Variants in PDCD1LG2 observed in about 807,000 individuals in gnomAD.
The protein encoded by PDCD1LG2 is programmed cell death 1 ligand 2.
In PDCD1LG2, 32 loss-of-function variants were observed where a neutral mutation model predicts 28.2. That is an observed-to-expected ratio of 1.13 (90% confidence interval 0.86 to 1.52). PDCD1LG2 has a LOEUF of 1.52. Ranked by LOEUF, PDCD1LG2 falls within the 40% of genes most tolerant of loss-of-function variation. The pLI is 0.00. For missense variants in PDCD1LG2, 385 were observed against 323.8 expected (o/e 1.19, Z -1.45); for synonymous variants, 116 against 120.2 (o/e 0.97, Z 0.23).
In PDCD1LG2 at chr9:5,569,860, T is replaced by G; in HGVS notation, c.817-94T>G. 1 of 1,325,476 alleles carries G rather than the reference T, an allele frequency of 7.5e-7. No homozygotes were observed. The highest frequency in any genetic ancestry group is 1.1e-6 in the Non-Finnish European group (1 of 930,000). The allele number at this position is 1,325,476 out of a possible 1,614,324, so 82.1% of individuals were successfully genotyped here. On this transcript the variant is annotated intron_variant, in intron 6 of 6. Coordinates refer to ENST00000397747, the MANE Select transcript of PDCD1LG2 (RefSeq NM_025239.4). The surrounding 1 kb of genome is among the most constrained non-coding windows in gnomAD (Gnocchi z 4.1). ...CGGCTTCCAGCTAGATGAACTTTTT[T>G]AAAAAAATTAGTTCCTCACTCAAAT...
intron 4 of PDCD1LG2, 135 bp from the exon 5 acceptor site, chr9:5,557,483 T>G: frequency 9.6e-7 from 1 of 1,038,172 alleles, no homozygotes; most frequent in Non-Finnish European, 1.4e-6. Context: ...TGCAGAGCAC[T>G]TAGAATAGGG....
intron 2 of PDCD1LG2, among the ~76,000 whole-genome samples, chr9:5,529,362 T>C (rs890364403): frequency 1.3e-5 from 2 of 152,230 alleles, no homozygotes; most frequent in African/African-American, 4.8e-5. Flanking sequence ...ATTTTAGTTT[T>C]ACATGTAGAT....
At chr9:5,567,833 C>T (rs1006707594) in intron 6 of PDCD1LG2, among the ~76,000 whole-genome samples, 1 of 152,204 alleles carries the variant, frequency 6.6e-6, no homozygotes, top group African/African-American at 2.4e-5. Context: ...TTAAGTATTA[C>T]CGATAAGGTA....
chr9:5,546,579 G>T (rs1243800788), intron 3 of PDCD1LG2, among the ~76,000 whole-genome samples: 1 of 152,156 alleles, frequency 6.6e-6, no homozygotes, highest in Non-Finnish European at 1.5e-5. Context: ...TGTCTGAATT[G>T]CCTTATCTTC....
intron 1 of PDCD1LG2, among the ~76,000 whole-genome samples, chr9:5,516,254 T>C (rs375475629): frequency 1.1e-4 from 16 of 152,278 alleles, no homozygotes; most frequent in Admixed American, 3.3e-4. Context: ...GGTTTCGCCA[T>C]GTTGGCCAGG....
At chr9:5,543,443 G>A (rs1407356428) in intron 3 of PDCD1LG2, among the ~76,000 whole-genome samples, 1 of 151,502 alleles carries the variant, frequency 6.6e-6, no homozygotes, top group Admixed American at 6.6e-5. Context: ...GGAGGCTGAG[G>A]CAGGAGAATG....
chr9:5,557,721 A>AGC lies in PDCD1LG2; in HGVS notation c.735_736insGC (p.Gln246AlafsTer25). The AGC allele has an allele frequency of 6.2e-7, 1 of 1,613,816 alleles. No individual in the cohort carries two copies. Among genetic ancestry groups the AGC allele is most frequent in the African/African-American group, 1.3e-5 (1 of 74,878 alleles). On this transcript the variant is annotated frameshift_variant, in exon 5 of 7. Coordinates refer to ENST00000397747, the MANE Select transcript of PDCD1LG2 (RefSeq NM_025239.4). LOFTEE classifies it high-confidence loss of function. ...TAGCCACAGTGATAGCCCTAAGAAA[A>AGC]CAACTCTGTCAAAAGCTGTATTCTT...
rs545166826 is a variant in PDCD1LG2, at chr9:5,522,818, G to T, written c.55+217G>T. ...GACAGAAACGGTGACTGAGAATATT[G>T]CTCCATCTATTCCCACTATCCAGTG... On this transcript the variant is annotated intron_variant, in intron 2 of 6. Transcript: ENST00000397747. 4.6e-5 allele frequency among the ~76,000 whole-genome samples: 7 copies of T among 152,026 alleles called. No individual in the cohort carries two copies. The South Asian group carries it at 1.5e-3, about 32-fold the overall frequency.
chr9:5,534,400 T>G (rs1393417709), intron 2 of PDCD1LG2, among the ~76,000 whole-genome samples: 1 of 152,210 alleles, frequency 6.6e-6, no homozygotes, highest in Non-Finnish European at 1.5e-5. Flanking sequence ...CTGGAATGAC[T>G]GCAGGGCTTG....
chr9:5,551,312 T>C, intron 4 of PDCD1LG2, among the ~76,000 whole-genome samples: 1 of 152,200 alleles, frequency 6.6e-6, no homozygotes, highest in East Asian at 1.9e-4. Context: ...CAGTTTGCCC[T>C]TTGTCTTAGC....
chr9:5,534,565 G>C (rs1820543179), intron 2 of PDCD1LG2, among the ~76,000 whole-genome samples, 180 bp from the exon 3 acceptor site: 1 of 152,168 alleles, frequency 6.6e-6, no homozygotes. Context: ...AGCGGGTCAA[G>C]AATCCCACTC....
At chr9:5,549,245 T>C (rs1816274085) in intron 3 of PDCD1LG2, 90 bp from the exon 4 acceptor site, 1 of 1,227,842 alleles carries the variant, frequency 8.1e-7, no homozygotes, top group Non-Finnish European at 1.1e-6. Context: ...TTGATAGTGA[T>C]AATTTTATTC....
intron 4 of PDCD1LG2, among the ~76,000 whole-genome samples, chr9:5,550,817 C>T (rs1225425325): frequency 1.3e-5 from 2 of 152,178 alleles, no homozygotes; most frequent in Non-Finnish European, 2.9e-5. Context: ...TCTCAGCCTC[C>T]TGAGTAGCTG....
intron 2 of PDCD1LG2, among the ~76,000 whole-genome samples, chr9:5,524,385 A>G (rs1207015195): frequency 1.3e-5 from 2 of 152,268 alleles, no homozygotes; most frequent in Non-Finnish European, 2.9e-5. Context: ...TATTCACAGA[A>G]TCAAAAAATA....
intron 5 of PDCD1LG2, among the ~76,000 whole-genome samples, chr9:5,557,982 T>C (rs1221958327): frequency 6.6e-6 from 1 of 152,226 alleles, no homozygotes; most frequent in African/African-American, 2.4e-5. Context: ...TTTGTTCTTA[T>C]GTCTGAAAGA....
At chr9:5,550,176 C>T (rs959278083) in intron 4 of PDCD1LG2, among the ~76,000 whole-genome samples, 1 of 152,160 alleles carries the variant, frequency 6.6e-6, no homozygotes, top group African/African-American at 2.4e-5. Flanking sequence ...TACTTGCTGC[C>T]AGTCAGCTGG....
At position 5,569,495 on chromosome 9, in the gene PDCD1LG2, A is replaced by G. The variant is rs114531904; in HGVS notation, c.817-459A>G. ...CCAACCTCTCTCTCAACCCACTGCA[A>G]CACTCTTTTTCCCCTAGACTGAGCC... On this transcript the variant is annotated intron_variant, in intron 6 of 6. Coordinates refer to ENST00000397747, the MANE Select transcript of PDCD1LG2 (RefSeq NM_025239.4). The surrounding 1 kb of genome is among the most constrained non-coding windows in gnomAD (Gnocchi z 4.1). 0.015 allele frequency among the ~76,000 whole-genome samples: 2,250 copies of G among 152,270 alleles called. 76 individuals carry two copies. Among genetic ancestry groups the G allele is most frequent in the African/African-American group, 0.052 (2,148 of 41,530 alleles).
intron 3 of PDCD1LG2, among the ~76,000 whole-genome samples, chr9:5,540,321 T>C (rs1045510214): frequency 2.0e-5 from 3 of 152,084 alleles, no homozygotes; most frequent in African/African-American, 7.2e-5. Context: ...TCACACCTCC[T>C]GGAGCTGGAG....
At chr9:5,565,516 A>G (rs1456557455) in intron 6 of PDCD1LG2, among the ~76,000 whole-genome samples, 1 of 152,120 alleles carries the variant, frequency 6.6e-6, no homozygotes, top group Non-Finnish European at 1.5e-5. Context: ...TTAATCTGTA[A>G]GACTCTCTCC....
Sources: allele counts gnomAD v4.1 joint callset (sites outside exome capture counted in the v4.1 genomes callset), GRCh38; gene constraint gnomAD v4.1.1; non-coding constraint Gnocchi (gnomAD v3.1); transcripts MANE v1.5; gene names NCBI Gene and HGNC (gene_info 2026-07-23, HGNC 2026-07-21).